KLHL3: variants seen among roughly 807,000 people sequenced by gnomAD.
The protein encoded by KLHL3 is kelch-like protein 3.
In KLHL3, 19 loss-of-function variants were observed where a neutral mutation model predicts 70.5. The ratio of observed to expected loss-of-function variants is 0.27; its 90% CI spans 0.19 to 0.40. The LOEUF (loss-of-function observed/expected upper bound fraction) is 0.40, where lower values mean the gene tolerates loss of function less well. Ranked by LOEUF, KLHL3 falls within the 10% of genes least tolerant of loss-of-function variation. The probability of loss-of-function intolerance (pLI) is 1.00; values close to 1 mark genes in which losing one functional copy is unlikely to be tolerated. For synonymous variants in KLHL3, 258 were observed against 290.3 expected, an observed-to-expected ratio of 0.89 and a Z score of 1.13; for missense variants, 512 against 771.1, an observed-to-expected ratio of 0.66 and a Z score of 3.98.
intron 2 of KLHL3, among the ~76,000 whole-genome samples, chr5:137,711,981 C>T (rs1026448792): frequency 3.3e-5 from 5 of 150,892 alleles, no homozygotes; most frequent in Non-Finnish European, 7.4e-5. Flanking sequence ...TGGTGAGACC[C>T]CTTCTCTACT....
intron 1 of KLHL3, among the ~76,000 whole-genome samples, chr5:137,731,038 AT>A (rs1410698017): frequency 9.9e-5 from 15 of 152,184 alleles, no homozygotes; most frequent in Non-Finnish European, 1.6e-4. Context: ...AAAAAAAAAA[AT>A]AGGTCAGTTT....
At chr5:137,636,689 C>A (rs1276187788) in intron 11 of KLHL3, among the ~76,000 whole-genome samples, 2 of 152,094 alleles carry the variant, frequency 1.3e-5, no homozygotes, top group Admixed American at 6.5e-5. Context: ...GTTTTGCAAA[C>A]AAAACAAGAG....
chr5:137,735,428 G>T (rs1753245782), intron 1 of KLHL3, among the ~76,000 whole-genome samples: 1 of 152,186 alleles, frequency 6.6e-6, no homozygotes, highest in Non-Finnish European at 1.5e-5. Flanking sequence ...CTTTGCGGAA[G>T]CCAGATCTCT....
chr5:137,683,036 AG>A (rs1406602365), intron 5 of KLHL3, among the ~76,000 whole-genome samples: 3 of 152,206 alleles, frequency 2.0e-5, no homozygotes, highest in Non-Finnish European at 4.4e-5. Flanking sequence ...GAATGGTGTT[AG>A]CTAGTATTAG....
At chr5:137,655,146 C>T (rs1561592705) in intron 8 of KLHL3, among the ~76,000 whole-genome samples, 1 of 152,066 alleles carries the variant, frequency 6.6e-6, no homozygotes, top group African/African-American at 2.4e-5. Flanking sequence ...AACCAATTTC[C>T]AAAGGGAAAT....
At chr5:137,672,463 T>C (rs538367168) in intron 6 of KLHL3, among the ~76,000 whole-genome samples, 1 of 152,352 alleles carries the variant, frequency 6.6e-6, no homozygotes, top group Admixed American at 6.5e-5. Context: ...TAAAATGTGA[T>C]AATGCAAAGA....
chr5:137,662,039 GA>G lies in KLHL3; in HGVS notation c.637-9del. The G allele has an allele frequency of 1.4e-6, 2 of 1,390,296 alleles. No homozygotes were observed. The highest frequency in any genetic ancestry group is 2.0e-6 in the Non-Finnish European group (2 of 1,022,808). 86.1% of individuals were successfully genotyped at this position (1,390,296 alleles called of 1,614,324 possible). On this transcript the variant is annotated splice_polypyrimidine_tract_variant and intron_variant, in intron 6 of 14. Transcript: ENST00000309755. The stretch of plus-strand genomic sequence containing the variant: ...GATCACAGCTTCAAACACCTATAAA[GA>G]AAAGCAACATGGGCAACTTCAGTAA...
intron 8 of KLHL3, among the ~76,000 whole-genome samples, chr5:137,656,980 G>C (rs1274015267): frequency 1.3e-5 from 2 of 152,218 alleles, no homozygotes. Context: ...GATTAAGTAA[G>C]ATATTCAAGT....
chr5:137,629,725 AAACT>A (rs1750581158), intron 12 of KLHL3: 1 of 152,186 alleles, frequency 6.6e-6, no homozygotes, highest in African/African-American at 2.4e-5. Flanking sequence ...CAGTTGCTCT[AAACT>A]AACAGCAGAT....
At chr5:137,658,391 C>G in intron 7 of KLHL3, 111 bp from the exon 8 acceptor site, 1 of 1,006,328 alleles carries the variant, frequency 9.9e-7, no homozygotes, top group East Asian at 2.4e-5. Flanking sequence ...ATTCCTTCAC[C>G]ACATCATCTC....
chr5:137,682,936 C>G (rs536593095), intron 5 of KLHL3, among the ~76,000 whole-genome samples: 1 of 152,266 alleles, frequency 6.6e-6, no homozygotes, highest in African/African-American at 2.4e-5. Flanking sequence ...TTCATCTAAC[C>G]TACAAGCTCA....
At chr5:137,681,963 A>C (rs889249911) in intron 5 of KLHL3, among the ~76,000 whole-genome samples, 20 of 152,170 alleles carry the variant, frequency 1.3e-4, no homozygotes, top group African/African-American at 4.8e-4. Context: ...CCCATCAAGC[A>C]ACACAAACAT....
At chr5:137,717,127 CTTG>C (rs1752909226) in intron 2 of KLHL3, among the ~76,000 whole-genome samples, 1 of 152,246 alleles carries the variant, frequency 6.6e-6, no homozygotes, top group South Asian at 2.1e-4. Flanking sequence ...CCAGGTCCAT[CTTG>C]TCCCTTGGTG....
At chr5:137,632,577 T>G (rs927933134) in intron 12 of KLHL3, among the ~76,000 whole-genome samples, 2 of 152,088 alleles carry the variant, frequency 1.3e-5, no homozygotes, top group African/African-American at 4.8e-5. Context: ...TAGAAAAAAC[T>G]CTTCTGGGCA....
At chr5:137,703,066 A>G (rs1212775663) in intron 3 of KLHL3, among the ~76,000 whole-genome samples, 1 of 152,200 alleles carries the variant, frequency 6.6e-6, no homozygotes, top group Non-Finnish European at 1.5e-5. Flanking sequence ...TTATTAAGTA[A>G]ATAAAGCCTT....
chr5:137,695,174 T>C (rs920769114), intron 4 of KLHL3, among the ~76,000 whole-genome samples: 1 of 152,178 alleles, frequency 6.6e-6, no homozygotes, highest in Non-Finnish European at 1.5e-5. Flanking sequence ...TTCCTGAATA[T>C]ACTCCTTAGG....
At chr5:137,641,257 C>T (rs1750907640) in intron 8 of KLHL3, among the ~76,000 whole-genome samples, 1 of 152,160 alleles carries the variant, frequency 6.6e-6, no homozygotes, top group Non-Finnish European at 1.5e-5. Context: ...TGATCATTAC[C>T]TGTAGCTTGT....
At chr5:137,731,172 G>A (rs533596405) in intron 1 of KLHL3, among the ~76,000 whole-genome samples, 1 of 152,274 alleles carries the variant, frequency 6.6e-6, no homozygotes, top group East Asian at 1.9e-4. Flanking sequence ...ATCCAAATCT[G>A]GGTGCAGGGA....
chr5:137,668,580 C>T (rs957104158), intron 6 of KLHL3, among the ~76,000 whole-genome samples: 7 of 152,176 alleles, frequency 4.6e-5, no homozygotes, highest in African/African-American at 1.7e-4. Context: ...TCCTGCCATG[C>T]TTTTAAATCA....
Sources: allele counts gnomAD v4.1 joint callset (sites outside exome capture counted in the v4.1 genomes callset), GRCh38; gene constraint gnomAD v4.1.1; transcripts MANE v1.5; gene names NCBI Gene and HGNC (gene_info 2026-07-23, HGNC 2026-07-21).